Variants in BCL11A observed in about 807,000 individuals in gnomAD.
BCL11A encodes B cell CLL/lymphoma 11A.
A neutral mutation model predicts 55.9 loss-of-function variants in BCL11A; 2 were observed. The observed-to-expected ratio is 0.04, with a 90% confidence interval of 0.01 to 0.11. The LOEUF (loss-of-function observed/expected upper bound fraction) is 0.11. Among genes scored for constraint, BCL11A ranks in the 10% least tolerant of loss-of-function variants. The pLI, the probability that BCL11A is intolerant of heterozygous loss-of-function variation, is 1.00. For synonymous variants in BCL11A, 465 were observed against 473.4 expected, an observed-to-expected ratio of 0.98 and a Z score of 0.23; for missense variants, 817 against 1,137.1, an observed-to-expected ratio of 0.72 and a Z score of 4.05.
chr2:60,552,351 G>A lies in BCL11A; in HGVS notation c.55+865C>T, dbSNP rs187745290. On this transcript the variant is annotated intron_variant, in intron 1 of 3. Transcript: ENST00000642384. ...GGCAGCGGCAACCCAGGAGGCAGCA[G>A]TCCGGGCTCCCTCCCTCCCTCTCCC... 1.9e-3 allele frequency among the ~76,000 whole-genome samples: 286 copies of A among 152,232 alleles called. 11 individuals carry two copies. In the East Asian group the frequency reaches 0.053, roughly 28 times the overall value.
chr2:60,552,401 C>A (rs1460358619), intron 1 of BCL11A, among the ~76,000 whole-genome samples: 3 of 152,236 alleles, frequency 2.0e-5, no homozygotes, highest in African/African-American at 7.2e-5. Context: ...GCCTCCTCCC[C>A]CGGCCCTAGC....
chr2:60,486,663 A>T (rs768099007), intron 2 of BCL11A, among the ~76,000 whole-genome samples: 7 of 152,236 alleles, frequency 4.6e-5, no homozygotes, highest in Admixed American at 1.3e-4. Flanking sequence ...ATTACCAGAC[A>T]TGTGAACATG....
chr2:60,474,221 A>G (rs1172796040), intron 2 of BCL11A, among the ~76,000 whole-genome samples: 4 of 152,238 alleles, frequency 2.6e-5, no homozygotes, highest in African/African-American at 9.6e-5. Flanking sequence ...GTGCCCCTTT[A>G]TCTATAAAAA....
At chr2:60,488,727 C>A (rs1169944874) in intron 2 of BCL11A, among the ~76,000 whole-genome samples, 1 of 152,050 alleles carries the variant, frequency 6.6e-6, no homozygotes, top group East Asian at 1.9e-4. Context: ...CCACTGCTAC[C>A]CAAAACGATT....
chr2:60,462,153 G>C lies in BCL11A; in HGVS notation c.759C>G (p.Gly253=). ...IPGSVSREAS[G]LAEGRFPPTP... Reference sequence around the variant, plus strand: ...TGGGTGGAAAGCGCCCTTCTGCCAGGCCGGAAGCCTCTCTCGATACTGATC... The same window carrying C: ...TGGGTGGAAAGCGCCCTTCTGCCAGCCCGGAAGCCTCTCTCGATACTGATC... Residue 253 remains glycine, a synonymous_variant, in exon 4 of 4, where the codon GGC becomes GGG. Transcript: ENST00000642384. 1 of 1,567,152 alleles carries C rather than the reference G, an allele frequency of 6.4e-7. No homozygotes were observed.
At chr2:60,480,819 A>G in intron 2 of BCL11A, among the ~76,000 whole-genome samples, 1 of 152,156 alleles carries the variant, frequency 6.6e-6, no homozygotes. Context: ...AATTTGTTTT[A>G]GCAATCCTCC....
At position 60,483,834 on chromosome 2, in the gene BCL11A, GTTCT is replaced by G. The variant is rs1036565748; in HGVS notation, c.386-15005_386-15002del. Among the ~76,000 whole-genome samples, 7 of 152,156 alleles carry G rather than the reference GTTCT, an allele frequency of 4.6e-5. No individual in the cohort carries two copies. The East Asian group carries it at 5.8e-4, about 13-fold the overall frequency. ...CTTTCCTATTTTTGTTCTTCTGGTT[GTTCT>G]TTCTTTCTTCCTTTTCTCCCTTTTT... On this transcript the variant is annotated intron_variant, in intron 2 of 3. Transcript: ENST00000642384.
At chr2:60,535,331 A>C (rs1045542174) in intron 2 of BCL11A, 2 of 152,202 alleles carry the variant, frequency 1.3e-5, no homozygotes. Context: ...GCTTAAACTA[A>C]ACATAGAGCT....
chr2:60,470,720 C>T (rs774634027), intron 2 of BCL11A, among the ~76,000 whole-genome samples: 3 of 152,218 alleles, frequency 2.0e-5, no homozygotes, highest in Admixed American at 6.5e-5. Context: ...AACAAGCTGA[C>T]GGCAGGACCA....
chr2:60,491,156 T>C lies in BCL11A; in HGVS notation c.386-22323A>G, dbSNP rs547871380. Among the ~76,000 whole-genome samples the C allele has an allele frequency of 3.3e-5, 5 of 152,318 alleles. No homozygotes were observed. In the South Asian group the frequency reaches 1.0e-3, roughly 32 times the overall value. The stretch of plus-strand genomic sequence containing the variant: ...AAGCCCAACTACGTGGTTGTGCAAC[T>C]CTATAGCTGACTTTCAACCATGGTC... On this transcript the variant is annotated intron_variant, in intron 2 of 3. Transcript: ENST00000642384.
Position 60,457,571 on chromosome 2 carries a change from C to A in BCL11A, c.*2833G>T, listed in dbSNP as rs1342362354. ...ATTTACAAAAAAGTATTGACTAAAG[C>A]GGGCTTTCTCTTTAATATGCTTTGC... On this transcript the variant is annotated 3_prime_UTR_variant, in exon 4 of 4. Coordinates refer to ENST00000642384, the MANE Select transcript of BCL11A (RefSeq NM_022893.4). 2 of 1,044,228 alleles carry A rather than the reference C, an allele frequency of 1.9e-6. No individual in the cohort carries two copies. Among genetic ancestry groups the A allele is most frequent in the Non-Finnish European group, 1.2e-6 (1 of 866,000 alleles). 64.7% of individuals were successfully genotyped at this position (1,044,228 alleles called of 1,614,324 possible).
In BCL11A at chr2:60,461,006, T is replaced by G; in HGVS notation, c.1906A>C (p.Ile636Leu). Reference protein sequence around the residue: ...PSSLSPFSKRIKLEKEFDLPP... With the variant: ...PSSLSPFSKRLKLEKEFDLPP... ...AGGTCGAACTCCTTCTCGAGCTTGA[T>G]GCGCTTAGAGAAGGGGCTCAGCGAG... is the stretch of plus-strand genomic sequence containing the variant. Residue 636 changes from isoleucine (I) to leucine (L), a missense_variant, in exon 4 of 4, where the codon ATC becomes CTC. Physicochemically the swap from Ile to Leu is conservative, Grantham distance 5. Coordinates refer to ENST00000642384, the MANE Select transcript of BCL11A (RefSeq NM_022893.4). 1 of 1,608,800 alleles carries G rather than the reference T, an allele frequency of 6.2e-7. No individual in the cohort carries two copies.
chr2:60,494,215 AGAGT>A (rs1291561896), intron 2 of BCL11A, among the ~76,000 whole-genome samples: 2 of 152,166 alleles, frequency 1.3e-5, no homozygotes, highest in Non-Finnish European at 2.9e-5. Context: ...AGGCTAAGCA[AGAGT>A]GAGAGAGGGT....
chr2:60,466,959 T>A (rs940629439), intron 3 of BCL11A, among the ~76,000 whole-genome samples: 13 of 152,244 alleles, frequency 8.5e-5, no homozygotes, highest in Non-Finnish European at 1.6e-4. Context: ...GCAAACTGTA[T>A]TATTTTCTAA....
chr2:60,508,908 G>A (rs1679811160), intron 2 of BCL11A: 1 of 152,294 alleles, frequency 6.6e-6, no homozygotes, highest in Non-Finnish European at 1.5e-5. Flanking sequence ...CCTACCTTGA[G>A]GGATGTTAAA....
intron 2 of BCL11A, among the ~76,000 whole-genome samples, chr2:60,501,600 G>A (rs1172059336): frequency 6.8e-6 from 1 of 146,840 alleles, no homozygotes; most frequent in African/African-American, 2.5e-5. Flanking sequence ...TCTGCCTCCT[G>A]GGTTCAAGCA....
rs1302398312 is a variant in BCL11A at position 60,458,977 on chromosome 2, T to G, written c.*1427A>C. 1 of 1,032,604 alleles carries G rather than the reference T, an allele frequency of 9.7e-7. No homozygotes were observed. Among genetic ancestry groups the G allele is most frequent in the African/African-American group, 1.7e-5 (1 of 59,348 alleles). The allele number at this position is 1,032,604 out of a possible 1,614,324, so 64.0% of individuals were successfully genotyped here. A position where few individuals can be genotyped will look rare whatever the true frequency, so the allele number is the denominator to read the frequency against. Reference sequence around the variant, plus strand: ...TTTTAGGGAGCACAGACATATATACTGCTACTCTTAAAATTCTTTCTCTTC... The same window carrying G: ...TTTTAGGGAGCACAGACATATATACGGCTACTCTTAAAATTCTTTCTCTTC... On this transcript the variant is annotated 3_prime_UTR_variant, in exon 4 of 4. Transcript: ENST00000642384.
intron 2 of BCL11A, among the ~76,000 whole-genome samples, chr2:60,515,991 C>A (rs1354807808): frequency 4.6e-5 from 7 of 152,214 alleles, no homozygotes; most frequent in African/African-American, 1.7e-4. Context: ...AATACAAATA[C>A]CCTGGAGTCT....
At chr2:60,549,499 G>A (rs1483996811) in intron 1 of BCL11A, among the ~76,000 whole-genome samples, 1 of 152,228 alleles carries the variant, frequency 6.6e-6, no homozygotes, top group Non-Finnish European at 1.5e-5. Context: ...CCCGGCAAGG[G>A]TGGACCGTGC....
Sources: gnomAD v4.1 joint callset for allele counts (sites outside exome capture counted in the v4.1 genomes callset) on GRCh38, gnomAD v4.1.1 for gene constraint, MANE v1.5 for transcripts, NCBI Gene and HGNC (gene_info 2026-07-23, HGNC 2026-07-21) for gene names.